Variants in ATP6V0D1 observed in about 807,000 individuals in gnomAD.
ATP6V0D1 encodes the protein ATPase H+ transporting V0 subunit d1.
In ATP6V0D1, 13 loss-of-function variants were observed where a neutral mutation model predicts 39.0. The observed-to-expected ratio is 0.33, with a 90% CI of 0.22 to 0.53. ATP6V0D1 has a LOEUF of 0.53. Among genes scored for constraint, ATP6V0D1 ranks in the 20% least tolerant of loss-of-function variants. The pLI, the probability that ATP6V0D1 is intolerant of heterozygous loss-of-function variation, is 0.94. For missense variants in ATP6V0D1, 272 were observed against 470.9 expected (o/e 0.58, Z 3.91); for synonymous variants, 191 against 191.2 (o/e 1.00, Z 0.01).
chr16:67,476,221 CAA>C (rs34393931), intron 1 of ATP6V0D1, among the ~76,000 whole-genome samples: 8 of 126,154 alleles, frequency 6.3e-5, no homozygotes, highest in African/African-American at 8.0e-5. Flanking sequence ...GATTCCATTC[CAA>C]AAAAAAAAAA....
intron 1 of ATP6V0D1, among the ~76,000 whole-genome samples, chr16:67,474,927 TC>T (rs1176892832): frequency 1.3e-5 from 2 of 152,118 alleles, no homozygotes; most frequent in African/African-American, 4.8e-5. Context: ...GACTTATTCT[TC>T]CCCCAGCCTT....
chr16:67,452,060 T>C (rs1313975544), intron 2 of ATP6V0D1, among the ~76,000 whole-genome samples: 3 of 152,252 alleles, frequency 2.0e-5, no homozygotes, highest in African/African-American at 7.2e-5. Flanking sequence ...GGCTGGGCTC[T>C]AGCAATAAAT....
chr16:67,448,529 G>T (rs770919639), intron 2 of ATP6V0D1, among the ~76,000 whole-genome samples: 2 of 150,938 alleles, frequency 1.3e-5, no homozygotes, highest in African/African-American at 4.9e-5. Flanking sequence ...GTGTGGTGGC[G>T]CACACCTGTA....
rs571180969 is a variant in ATP6V0D1 at position 67,458,294 on chromosome 16, G to A, written c.131-4579C>T. ...CGGAGGAGGGGATGTGACTGGGAGGGGACGTGACTGGGAGCAGGATCTAAG... is the reference window on the plus strand; with the variant it reads ...CGGAGGAGGGGATGTGACTGGGAGGAGACGTGACTGGGAGCAGGATCTAAG... On this transcript the variant is annotated intron_variant, in intron 1 of 7. Coordinates refer to ENST00000290949, the MANE Select transcript of ATP6V0D1 (RefSeq NM_004691.5). 2.0e-5 allele frequency among the ~76,000 whole-genome samples: 3 copies of A among 152,332 alleles called. No individual in the cohort carries two copies. The East Asian group carries it at 5.8e-4, about 29-fold the overall frequency.
intron 1 of ATP6V0D1, chr16:67,455,553 A>G (rs1350161403): frequency 6.6e-6 from 1 of 152,172 alleles, no homozygotes; most frequent in Non-Finnish European, 1.5e-5. Context: ...TGCCTTCACC[A>G]TTACTCTGCA....
At chr16:67,450,558 C>T (rs2041167474) in intron 2 of ATP6V0D1, among the ~76,000 whole-genome samples, 2 of 152,224 alleles carry the variant, frequency 1.3e-5, no homozygotes, top group African/African-American at 2.4e-5. Context: ...GGGTGGACAC[C>T]GCAGAGTGGT....
chr16:67,469,298 A>T (rs368807155), intron 1 of ATP6V0D1, among the ~76,000 whole-genome samples: 2 of 152,158 alleles, frequency 1.3e-5, no homozygotes, highest in South Asian at 2.1e-4. Flanking sequence ...ACAAAGCAAG[A>T]CTCCTTCTCA....
chr16:67,459,603 T>C (rs111810481), intron 1 of ATP6V0D1, among the ~76,000 whole-genome samples: 188 of 152,382 alleles, frequency 1.2e-3, no homozygotes, highest in African/African-American at 3.7e-3. Flanking sequence ...GCTTGGCAGC[T>C]AACCCCAGAC....
intron 1 of ATP6V0D1, among the ~76,000 whole-genome samples, chr16:67,463,888 G>A (rs904137020): frequency 6.6e-6 from 1 of 152,236 alleles, no homozygotes; most frequent in Non-Finnish European, 1.5e-5. Context: ...TGGGAGGGAC[G>A]TGGTCACCTG....
At chr16:67,462,034 C>T (rs1432343948) in intron 1 of ATP6V0D1, among the ~76,000 whole-genome samples, 11 of 152,160 alleles carry the variant, frequency 7.2e-5, no homozygotes, top group Non-Finnish European at 5.9e-5. Flanking sequence ...GCCAGGCAGG[C>T]GACAGTCCCA....
At position 67,438,526 on chromosome 16, in the gene ATP6V0D1, C is replaced by T. The variant is rs112722649; in HGVS notation, c.*2G>A. 404 of 1,614,034 alleles carry T rather than the reference C, an allele frequency of 2.5e-4. 1 individual carries two copies. The highest frequency in any genetic ancestry group is 1.5e-3 in the Middle Eastern group (9 of 6,062). ...TGCAATTGAGAGCCTTGGGCCAGGACGCTAGAAGATAGGGATGTAGTTGTC... is the reference window on the plus strand; with the variant it reads ...TGCAATTGAGAGCCTTGGGCCAGGATGCTAGAAGATAGGGATGTAGTTGTC... On this transcript the variant is annotated 3_prime_UTR_variant, in exon 8 of 8. Transcript: ENST00000290949.
chr16:67,451,641 G>A (rs955947641), intron 2 of ATP6V0D1, among the ~76,000 whole-genome samples: 2 of 152,234 alleles, frequency 1.3e-5, no homozygotes, highest in Non-Finnish European at 2.9e-5. Flanking sequence ...CTGATGGGCT[G>A]ACACGTGACT....
At chr16:67,454,465 GC>G (rs1387492570) in intron 1 of ATP6V0D1, 1 of 152,646 alleles carries the variant, frequency 6.6e-6, no homozygotes, top group Non-Finnish European at 1.5e-5. Context: ...GAGCAGAAGG[GC>G]CCGGGGGAAG....
chr16:67,471,695 G>A (rs1356485949), intron 1 of ATP6V0D1, among the ~76,000 whole-genome samples: 3 of 150,638 alleles, frequency 2.0e-5, no homozygotes, highest in Admixed American at 1.3e-4. Context: ...TTTTTGAGAC[G>A]GGGTCTCTCT....
In ATP6V0D1 at chr16:67,469,341, C is replaced by T. The variant is rs548236516; in HGVS notation, c.130+11616G>A. Among the ~76,000 whole-genome samples the T allele has an allele frequency of 5.3e-5, 8 of 152,200 alleles. No individual in the cohort carries two copies. In the South Asian group the frequency reaches 1.0e-3, roughly 20 times the overall value. ...TAAATAAATAAATAAATAATAAAATCGGGCTAAAGTATATGCCAGTGCAAG... is the reference window on the plus strand; with the variant it reads ...TAAATAAATAAATAAATAATAAAATTGGGCTAAAGTATATGCCAGTGCAAG... On this transcript the variant is annotated intron_variant, in intron 1 of 7. Coordinates refer to ENST00000290949, the MANE Select transcript of ATP6V0D1 (RefSeq NM_004691.5).
At chr16:67,457,488 G>T in intron 1 of ATP6V0D1, 1 of 997,290 alleles carries the variant, frequency 1.0e-6, no homozygotes, top group Non-Finnish European at 1.4e-6. Context: ...GCTGGCAGGT[G>T]GTGGCAGAGG....
intron 1 of ATP6V0D1, among the ~76,000 whole-genome samples, chr16:67,465,043 T>A (rs2041318247): frequency 6.6e-6 from 1 of 152,228 alleles, no homozygotes; most frequent in Non-Finnish European, 1.5e-5. Flanking sequence ...CAGCCTAGCC[T>A]ACTAAAGCAC....
chr16:67,438,473 GCACACACACA>G lies in ATP6V0D1; in HGVS notation c.*45_*54del. The stretch of plus-strand genomic sequence containing the variant: ...CATACACACACACGCACACACACGC[GCACACACACA>G]CACACACACACAAAGAGTGCAATTG... On this transcript the variant is annotated 3_prime_UTR_variant, in exon 8 of 8. Transcript: ENST00000290949. 2 of 1,341,770 alleles carry G rather than the reference GCACACACACA, an allele frequency of 1.5e-6. No homozygotes were observed. The highest frequency in any genetic ancestry group is 1.9e-5 in the Admixed American group (1 of 51,498). 83.1% of individuals were successfully genotyped at this position (1,341,770 alleles called of 1,614,324 possible).
intron 2 of ATP6V0D1, among the ~76,000 whole-genome samples, chr16:67,450,898 C>T (rs530194167): frequency 1.2e-4 from 18 of 152,210 alleles, no homozygotes; most frequent in East Asian, 9.7e-4. Flanking sequence ...GAATAGGGTT[C>T]GGGCGGTGGG....
Sources: allele counts gnomAD v4.1 joint callset (sites outside exome capture counted in the v4.1 genomes callset), GRCh38; gene constraint gnomAD v4.1.1; transcripts MANE v1.5; gene names NCBI Gene and HGNC (gene_info 2026-07-23, HGNC 2026-07-21).